Variants in LSM12 observed in about 807,000 individuals in gnomAD.
The protein encoded by LSM12 is LSM12 homolog.
For synonymous variants in LSM12, 74 were observed against 87.3 expected, an observed-to-expected ratio of 0.85 and a Z score of 0.85; for missense variants, 108 against 238.9, an observed-to-expected ratio of 0.45 and a Z score of 3.61.
intron 2 of LSM12, among the ~76,000 whole-genome samples, chr17:44,055,712 A>T (rs907396921): frequency 2.1e-5 from 3 of 145,308 alleles, no homozygotes; most frequent in Non-Finnish European, 3.0e-5. Context: ...ATAATATATA[A>T]AATATATATA....
chr17:44,047,588 GGTCTTGCTCT>G (rs1201358082), intron 2 of LSM12, among the ~76,000 whole-genome samples: 1 of 151,304 alleles, frequency 6.6e-6, no homozygotes, highest in Non-Finnish European at 1.5e-5. Context: ...TTTTGAGATA[GGTCTTGCTCT>G]GTTGCCCAGG....
intron 2 of LSM12, among the ~76,000 whole-genome samples, chr17:44,048,338 C>T (rs1258816283): frequency 2.0e-5 from 3 of 151,794 alleles, no homozygotes; most frequent in East Asian, 3.9e-4. Context: ...AAAAATTAGC[C>T]GGGCACAGTA....
At chr17:44,065,394 T>C (rs973692913) in intron 1 of LSM12, among the ~76,000 whole-genome samples, 22 of 147,974 alleles carry the variant, frequency 1.5e-4, no homozygotes, top group South Asian at 6.3e-4. Flanking sequence ...TGAGCCGAGA[T>C]TGCGCCACCG....
upstream of LSM12, chr17:44,066,800 C>G (rs1459644198): frequency 2.0e-6 from 1 of 488,810 alleles, no homozygotes. Flanking sequence ...GCTGCGTCCG[C>G]TCGGTTAAGT....
intron 2 of LSM12, among the ~76,000 whole-genome samples, chr17:44,061,680 ACAC>A (rs1048496241): frequency 6.6e-6 from 1 of 152,218 alleles, no homozygotes; most frequent in Non-Finnish European, 1.5e-5. Context: ...TGTACAGAAC[ACAC>A]CACATTCCCA....
At chr17:44,043,546 T>TC (rs987967220) in intron 2 of LSM12, among the ~76,000 whole-genome samples, 13 of 139,358 alleles carry the variant, frequency 9.3e-5, no homozygotes, top group Admixed American at 5.6e-4. Context: ...AGGAGGAGTT[T>TC]CCTTTTTTTT....
intron 3 of LSM12, among the ~76,000 whole-genome samples, chr17:44,039,931 A>G (rs1041451786): frequency 1.3e-5 from 2 of 152,186 alleles, no homozygotes; most frequent in Non-Finnish European, 2.9e-5. Flanking sequence ...ACAAGCAACT[A>G]AAGACCAGAG....
At chr17:44,049,484 C>A (rs1226866250) in intron 2 of LSM12, among the ~76,000 whole-genome samples, 1 of 152,040 alleles carries the variant, frequency 6.6e-6, no homozygotes, top group Non-Finnish European at 1.5e-5. Flanking sequence ...TGCTATATTG[C>A]CCAGGCTGGC....
chr17:44,040,345 G>T, intron 2 of LSM12, 89 bp from the exon 3 acceptor site: 1 of 940,366 alleles, frequency 1.1e-6, no homozygotes. Context: ...AAGGAGGCCA[G>T]GAAAGACTTG....
At chr17:44,064,645 A>C (rs1292286722) in intron 1 of LSM12, among the ~76,000 whole-genome samples, 1 of 151,896 alleles carries the variant, frequency 6.6e-6, no homozygotes, top group Non-Finnish European at 1.5e-5. Flanking sequence ...AGGCAGGAGA[A>C]TCACTTGAAC....
chr17:44,065,270 T>TA (rs201542608), intron 1 of LSM12, among the ~76,000 whole-genome samples: 2,094 of 149,508 alleles, frequency 0.014, 47 homozygotes, highest in African/African-American at 0.047. Flanking sequence ...CCATCTCTGT[T>TA]AAAAAAAAAC....
At chr17:44,059,178 G>C (rs1314624326) in intron 2 of LSM12, among the ~76,000 whole-genome samples, 1 of 151,850 alleles carries the variant, frequency 6.6e-6, no homozygotes, top group Admixed American at 6.6e-5. Flanking sequence ...CTAAAAAACA[G>C]AACACACACA....
intron 2 of LSM12, among the ~76,000 whole-genome samples, chr17:44,051,266 G>A (rs762292970): frequency 2.0e-5 from 3 of 152,082 alleles, no homozygotes; most frequent in African/African-American, 2.4e-5. Flanking sequence ...GCGTGATGGC[G>A]GGCACCTGTA....
chr17:44,066,379 C>T (rs1001803347), intron 1 of LSM12, 85 bp downstream of exon 1: 22 of 1,474,532 alleles, frequency 1.5e-5, no homozygotes, highest in East Asian at 5.9e-5. Flanking sequence ...CCGGAGAGAG[C>T]CCCAGCCGCC....
chr17:44,066,264 G>C (rs549337786), intron 1 of LSM12, among the ~76,000 whole-genome samples, 200 bp downstream of exon 1: 3 of 152,068 alleles, frequency 2.0e-5, no homozygotes, highest in African/African-American at 4.8e-5. Flanking sequence ...CAAAGAGAGA[G>C]AGACAGGATC....
rs1417411378 is a variant in LSM12 at position 44,066,643 on chromosome 17, G to GC, written c.-57dup. On this transcript the variant is annotated 5_prime_UTR_variant, in exon 1 of 5. Coordinates refer to ENST00000293406, the MANE Select transcript of LSM12 (RefSeq NM_001371445.1). ...GGCGGCAGCAGCGGGCGAAAGCCGG[G>GC]CCCCCAGTGAGCGCCGCGACGCGAC... 11 of 1,286,550 alleles carry GC rather than the reference G, an allele frequency of 8.5e-6. No individual in the cohort carries two copies. Among genetic ancestry groups the GC allele is most frequent in the Non-Finnish European group, 1.1e-5 (11 of 1,013,898 alleles). 79.7% of individuals were successfully genotyped at this position (1,286,550 alleles called of 1,614,324 possible).
intron 2 of LSM12, 169 bp from the exon 3 acceptor site, chr17:44,040,425 C>A: frequency 1.8e-6 from 1 of 556,620 alleles, no homozygotes. Context: ...CATACCTGAA[C>A]AGTTACTGGT....
chr17:44,036,363 T>C (rs2049415702), intron 4 of LSM12, 63 bp from the exon 5 acceptor site: 3 of 1,605,918 alleles, frequency 1.9e-6, no homozygotes, highest in Admixed American at 1.7e-5. Flanking sequence ...TCCCAAACAA[T>C]CCAACCCAGG....
At chr17:44,057,407 C>CAA in intron 2 of LSM12, among the ~76,000 whole-genome samples, 1 of 150,206 alleles carries the variant, frequency 6.7e-6, no homozygotes, top group African/African-American at 2.4e-5. Context: ...CTCGGCCTCT[C>CAA]AAAGTGCTAG....
Sources: allele counts gnomAD v4.1 joint callset (sites outside exome capture counted in the v4.1 genomes callset), GRCh38; gene constraint gnomAD v4.1.1; transcripts MANE v1.5; gene names NCBI Gene and HGNC (gene_info 2026-07-23, HGNC 2026-07-21).